The following INTU variants were observed in gnomAD, a reference collection of about 807,000 sequenced individuals.
The protein encoded by INTU is inturned planar cell polarity protein.
In INTU, 68 loss-of-function variants were observed where a neutral mutation model predicts 100.5. The ratio of observed to expected loss-of-function variants is 0.68; its 90% CI spans 0.56 to 0.83. The LOEUF (loss-of-function observed/expected upper bound fraction) is 0.83. Among genes scored for constraint, INTU ranks in the 40% least tolerant of loss-of-function variants. The pLI, the probability that INTU is intolerant of heterozygous loss-of-function variation, is 0.00. For synonymous variants in INTU, 357 were observed against 395.7 expected (o/e 0.90, Z 1.16); for missense variants, 1,071 against 1,114.7 (o/e 0.96, Z 0.56).
intron 1 of INTU, among the ~76,000 whole-genome samples, chr4:127,634,390 G>T (rs1434337445): frequency 6.6e-6 from 1 of 152,114 alleles, no homozygotes; most frequent in African/African-American, 2.4e-5. Context: ...CATACTTTTA[G>T]CCCAGAAAGA....
chr4:127,690,894 G>A (rs980794143), intron 8 of INTU, among the ~76,000 whole-genome samples: 2 of 151,878 alleles, frequency 1.3e-5, no homozygotes, highest in African/African-American at 2.4e-5. Flanking sequence ...CATTCTTGGT[G>A]GTGTACATTC....
Position 127,648,849 on chromosome 4 carries a change from A to G in INTU, c.682+4793A>G, listed in dbSNP as rs1415743291. Among the ~76,000 whole-genome samples the G allele has an allele frequency of 6.6e-5, 10 of 152,118 alleles. No homozygotes were observed. In the East Asian group the frequency reaches 1.7e-3, roughly 26 times the overall value. On this transcript the variant is annotated intron_variant, in intron 2 of 15. Transcript: ENST00000335251. ...TTTTTTTTTTTCCAAGTGGACTTCA[A>G]GTTGAAAGTTTATTTTGGTCTGCAA... is the stretch of plus-strand genomic sequence containing the variant.
chr4:127,713,921 C>T lies in INTU; in HGVS notation c.2560-15C>T, dbSNP rs763576550. 2 of 1,559,440 alleles carry T rather than the reference C, an allele frequency of 1.3e-6. No homozygotes were observed. Among genetic ancestry groups the T allele is most frequent in the Admixed American group, 1.7e-5 (1 of 57,452 alleles). ...GTAATACCAGTTAATACTAACAATA[C>T]CTATTAATTTACAGAAAAAGAAAGG... On this transcript the variant is annotated splice_polypyrimidine_tract_variant and intron_variant, in intron 14 of 15. Coordinates refer to ENST00000335251, the MANE Select transcript of INTU (RefSeq NM_015693.4).
intron 10 of INTU, among the ~76,000 whole-genome samples, chr4:127,704,614 A>G (rs1560616481): frequency 6.6e-6 from 1 of 152,184 alleles, no homozygotes; most frequent in Non-Finnish European, 1.5e-5. Context: ...CCTTAAAACA[A>G]GATTTGCATC....
chr4:127,706,351 G>A, intron 11 of INTU, 136 bp from the exon 12 acceptor site: 1 of 719,774 alleles, frequency 1.4e-6, no homozygotes, highest in South Asian at 2.2e-5. Context: ...AAAGATGACG[G>A]AGGAATTTTT....
At chr4:127,680,640 A>G (rs1479053376) in intron 6 of INTU, among the ~76,000 whole-genome samples, 4 of 124,014 alleles carry the variant, frequency 3.2e-5, no homozygotes, top group Non-Finnish European at 5.1e-5. Flanking sequence ...CCCACAGCCA[A>G]TATCATACTG....
chr4:127,633,146 T>C lies in INTU; in HGVS notation c.112T>C (p.Ser38Pro). The change falls in exon 1 of 16, where the codon TCG (serine) becomes CCG (proline). Residue 38 changes from serine to proline, a missense_variant. Coordinates refer to ENST00000335251, the MANE Select transcript of INTU (RefSeq NM_015693.4). ...DYDFEDRVSD[S>P]GSYSSASSDY... ...TGATTTTGAAGATCGGGTCAGCGAC[T>C]CGGGTTCATATTCCTCAGCGAGTAG... 1 of 1,613,980 alleles carries C rather than the reference T, an allele frequency of 6.2e-7. No individual in the cohort carries two copies. Among genetic ancestry groups the C allele is most frequent in the Non-Finnish European group, 8.5e-7 (1 of 1,179,882 alleles).
At chr4:127,676,857 G>T (rs141935517) in intron 6 of INTU, among the ~76,000 whole-genome samples, 1 of 152,146 alleles carries the variant, frequency 6.6e-6, no homozygotes, top group Non-Finnish European at 1.5e-5. Flanking sequence ...AAAGAAAGGG[G>T]TGACAGACAG....
At position 127,704,400 on chromosome 4, in the gene INTU, G is replaced by T. The variant is rs933512583; in HGVS notation, c.1566+110G>T. ...ATTTATCTCTTTTCTTTCAAATGTA[G>T]GTACCATAAGATTAAGAGCTTTCTC... On this transcript the variant is annotated intron_variant, in intron 10 of 15. Coordinates refer to ENST00000335251, the MANE Select transcript of INTU (RefSeq NM_015693.4). 11 of 827,712 alleles carry T rather than the reference G, an allele frequency of 1.3e-5. No individual in the cohort carries two copies. The Admixed American group carries it at 2.5e-4, about 19-fold the overall frequency. 51.3% of individuals were successfully genotyped at this position (827,712 alleles called of 1,614,324 possible). A position where few individuals can be genotyped will look rare whatever the true frequency, so the allele number is the denominator to read the frequency against.
intron 2 of INTU, among the ~76,000 whole-genome samples, chr4:127,649,775 TTAGAAGAGTGCC>T (rs1370145427): frequency 1.7e-4 from 26 of 152,330 alleles, no homozygotes; most frequent in Non-Finnish European, 3.5e-4. Flanking sequence ...TCTCTAGTGC[TTAGAAGAGTGCC>T]TGGCACACAT....
rs1731271048 is a variant in INTU at position 127,716,651 on chromosome 4, G to A, written c.*215G>A. The A allele has an allele frequency of 9.7e-6, 3 of 308,992 alleles. No individual in the cohort carries two copies. The highest frequency in any genetic ancestry group is 1.8e-5 in the Non-Finnish European group (3 of 170,080). 19.1% of individuals were successfully genotyped at this position (308,992 alleles called of 1,614,324 possible). A position where few individuals can be genotyped will look rare whatever the true frequency, so the allele number is the denominator to read the frequency against. On this transcript the variant is annotated 3_prime_UTR_variant, in exon 16 of 16. Coordinates refer to ENST00000335251, the MANE Select transcript of INTU (RefSeq NM_015693.4). ...TTTTGAGAATATACTTGATTAAAAT[G>A]TGAAAGAAGGGATTGTTAACTTATT...
At position 127,692,388 on chromosome 4, in the gene INTU, CT is replaced by C. The variant is rs199631468; in HGVS notation, c.1449+4525del. ...TGCTGGTTAGCCAGTTGTATATCTT[CT>C]TTTCAGAATTGTCCGTTCATCTCCT... On this transcript the variant is annotated intron_variant, in intron 8 of 15. Coordinates refer to ENST00000335251, the MANE Select transcript of INTU (RefSeq NM_015693.4). Among the ~76,000 whole-genome samples the C allele has an allele frequency of 8.7e-4, 132 of 152,184 alleles. No individual in the cohort carries two copies. In the East Asian group the frequency reaches 0.025, roughly 28 times the overall value.
chr4:127,643,045 C>T (rs1578527197), intron 1 of INTU, among the ~76,000 whole-genome samples: 2 of 152,230 alleles, frequency 1.3e-5, no homozygotes, highest in African/African-American at 4.8e-5. Context: ...TTCATTTTAA[C>T]CTGACAGCCA....
intron 9 of INTU, among the ~76,000 whole-genome samples, chr4:127,700,568 G>A: frequency 6.6e-6 from 1 of 152,032 alleles, no homozygotes; most frequent in South Asian, 2.1e-4. Flanking sequence ...TCAAAATTGG[G>A]GCTGAAAATG....
chr4:127,722,491 C>G lies in INTU; in HGVS notation c.*6055C>G, dbSNP rs147338486. 5.9e-5 allele frequency: 9 copies of G among 152,466 alleles called. No individual in the cohort carries two copies. Among genetic ancestry groups the G allele is most frequent in the African/African-American group, 2.2e-4 (9 of 41,602 alleles). 9.4% of individuals were successfully genotyped at this position (152,466 alleles called of 1,614,324 possible). On this transcript the variant is annotated 3_prime_UTR_variant, in exon 16 of 16. Coordinates refer to ENST00000335251, the MANE Select transcript of INTU (RefSeq NM_015693.4). ...CCCTTGACAGGGTGGGTGTGCTACA[C>G]TGGGGGGAATCCCCCTCATCTGGAC...
intron 6 of INTU, among the ~76,000 whole-genome samples, chr4:127,682,980 G>C (rs2126226239): frequency 1.3e-5 from 2 of 152,214 alleles, no homozygotes; most frequent in South Asian, 2.1e-4. Flanking sequence ...ATAAGGAACT[G>C]AGCAAAGGCT....
chr4:127,710,166 C>T (rs1216072137), intron 13 of INTU, among the ~76,000 whole-genome samples: 4 of 152,004 alleles, frequency 2.6e-5, no homozygotes, highest in Non-Finnish European at 4.4e-5. Flanking sequence ...CATAAATTCA[C>T]ATGTGGTGTA....
rs1253009164 is a variant in INTU, at chr4:127,687,873, C to A, written c.1449+6C>A. On this transcript the variant is annotated splice_donor_region_variant and intron_variant, in intron 8 of 15. Coordinates refer to ENST00000335251, the MANE Select transcript of INTU (RefSeq NM_015693.4). ...CACTTCCACTGGAAATCAAGGTAAT[C>A]TTAGGTATTATAAAGCAGAAGCAGA... 1 of 1,565,974 alleles carries A rather than the reference C, an allele frequency of 6.4e-7. No individual in the cohort carries two copies. The highest frequency in any genetic ancestry group is 8.7e-7 in the Non-Finnish European group (1 of 1,147,526).
chr4:127,703,408 G>A lies in INTU; in HGVS notation c.1504-820G>A, dbSNP rs545016964. 2.6e-5 allele frequency among the ~76,000 whole-genome samples: 4 copies of A among 152,230 alleles called. No homozygotes were observed. The South Asian group carries it at 8.3e-4, about 32-fold the overall frequency. On this transcript the variant is annotated intron_variant, in intron 9 of 15. Coordinates refer to ENST00000335251, the MANE Select transcript of INTU (RefSeq NM_015693.4). The stretch of plus-strand genomic sequence containing the variant: ...CCCTTTCTCTCACTTCCATCCCCAG[G>A]TGTAACTGCTCTTATGGATTGGAAT...
Sources: allele counts gnomAD v4.1 joint callset (sites outside exome capture counted in the v4.1 genomes callset), GRCh38; gene constraint gnomAD v4.1.1; transcripts MANE v1.5; gene names NCBI Gene and HGNC (gene_info 2026-07-23, HGNC 2026-07-21).